The following CSMD2 variants were observed in gnomAD, a reference collection of about 807,000 sequenced individuals.
The protein encoded by CSMD2 is CUB and sushi domain-containing protein 2.
Under a neutral mutation model 398.5 loss-of-function variants are expected in CSMD2, and 130 were observed. The ratio of observed to expected loss-of-function variants is 0.33; its 90% confidence interval spans 0.28 to 0.38. The LOEUF (loss-of-function observed/expected upper bound fraction) is 0.38, where lower values mean the gene tolerates loss of function less well. Ranked by LOEUF, CSMD2 falls within the 10% of genes least tolerant of loss-of-function variation. CSMD2 has a pLI of 1.00. For synonymous variants in CSMD2, 1,828 were observed against 1,908.5 expected (o/e 0.96, Z 1.10); for missense variants, 3,829 against 4,764.9 (o/e 0.80, Z 5.78).
At chr1:33,531,482 G>T (rs1483769445) in intron 64 of CSMD2, among the ~76,000 whole-genome samples, 2 of 152,072 alleles carry the variant, frequency 1.3e-5, no homozygotes, top group Admixed American at 6.5e-5. Context: ...GTCCCCAGGA[G>T]AACTGAAAAC....
chr1:33,699,568 C>A (rs1453576816), intron 23 of CSMD2, among the ~76,000 whole-genome samples: 2 of 152,212 alleles, frequency 1.3e-5, no homozygotes, highest in Non-Finnish European at 1.5e-5. Context: ...TGTCTCTAAT[C>A]CTCTTCCACT....
At chr1:33,771,923 C>T (rs952317484) in intron 13 of CSMD2, among the ~76,000 whole-genome samples, 12 of 152,222 alleles carry the variant, frequency 7.9e-5, no homozygotes, top group East Asian at 1.9e-4. Context: ...AATCCCAACG[C>T]GACTGAAGAT....
intron 10 of CSMD2, among the ~76,000 whole-genome samples, chr1:33,793,535 T>C (rs749238203): frequency 1.6e-4 from 24 of 152,164 alleles, no homozygotes; most frequent in Middle Eastern, 3.4e-3. Flanking sequence ...ATTTGAAAAG[T>C]TTTCCTGGAG....
chr1:34,119,084 T>C (rs187677089), intron 1 of CSMD2, among the ~76,000 whole-genome samples: 20 of 152,232 alleles, frequency 1.3e-4, no homozygotes, highest in Admixed American at 3.9e-4. Flanking sequence ...GAAAGACAAA[T>C]AGACCAGTGA....
Position 33,646,695 on chromosome 1 carries a change from C to A in CSMD2, c.4727G>T (p.Arg1576Leu), listed in dbSNP as rs751093040. ...AGCATTGCTCACAGATGCATCGCTG[C>A]GGAAGGCGAGGAAGAGGCTGTTGCT... The part of the protein sequence containing the change: ...SSSNSLFLAF[R>L]SDASVSNAGF... The change falls in exon 29 of 71, where the codon CGC becomes CTC. Residue 1576 changes from arginine to leucine, a missense_variant. Physicochemically the swap from Arg to Leu is moderately radical, Grantham distance 102 (BLOSUM62 -2). Transcript: ENST00000373381. The A allele has an allele frequency of 1.2e-6, 2 of 1,614,112 alleles. No homozygotes were observed. Among genetic ancestry groups the A allele is most frequent in the Admixed American group, 1.7e-5 (1 of 60,024 alleles).
intron 44 of CSMD2, among the ~76,000 whole-genome samples, chr1:33,590,779 T>G (rs963091427): frequency 6.6e-6 from 1 of 151,880 alleles, no homozygotes; most frequent in African/African-American, 2.4e-5. Context: ...GAGGGTGAGG[T>G]GTTGAGAGAG....
intron 5 of CSMD2, among the ~76,000 whole-genome samples, chr1:33,858,288 T>A (rs1267024016): frequency 6.6e-6 from 1 of 152,220 alleles, no homozygotes; most frequent in Non-Finnish European, 1.5e-5. Flanking sequence ...TAGAAAAGAC[T>A]CACCTGAATC....
At chr1:33,890,686 A>G (rs1045986984) in intron 5 of CSMD2, among the ~76,000 whole-genome samples, 2 of 151,896 alleles carry the variant, frequency 1.3e-5, no homozygotes, top group Non-Finnish European at 2.9e-5. Flanking sequence ...TGGTACTGGT[A>G]CCAAAACAGA....
At position 34,020,386 on chromosome 1, in the gene CSMD2, G is replaced by A. The variant is rs565628047; in HGVS notation, c.517+12208C>T. On this transcript the variant is annotated intron_variant, in intron 3 of 70. Transcript: ENST00000373381. Reference sequence around the variant, plus strand: ...AAGGTCTTGAGGGATAACAGGAAGCGGAGAGCTGGAAGGAAGGATGACAGA... The same window carrying A: ...AAGGTCTTGAGGGATAACAGGAAGCAGAGAGCTGGAAGGAAGGATGACAGA... Among the ~76,000 whole-genome samples the A allele has an allele frequency of 5.3e-5, 8 of 152,328 alleles. No individual in the cohort carries two copies. The South Asian group carries it at 6.2e-4, about 12-fold the overall frequency.
At position 33,821,003 on chromosome 1, in the gene CSMD2, G is replaced by A. The variant is rs1252050063; in HGVS notation, c.1112-447C>T. Among the ~76,000 whole-genome samples the A allele has an allele frequency of 4.6e-5, 7 of 152,184 alleles. No individual in the cohort carries two copies. In the East Asian group the frequency reaches 1.3e-3, roughly 29 times the overall value. On this transcript the variant is annotated intron_variant, in intron 7 of 70. Coordinates refer to ENST00000373381, the MANE Select transcript of CSMD2 (RefSeq NM_001281956.2). Reference sequence around the variant, plus strand: ...TCAAAGAAAGTTAAATAAAAGGTGGGTGCATGATCAGAAACGGTAAAGAAT... The same window carrying A: ...TCAAAGAAAGTTAAATAAAAGGTGGATGCATGATCAGAAACGGTAAAGAAT...
intron 3 of CSMD2, among the ~76,000 whole-genome samples, chr1:33,974,715 T>C (rs536766): frequency 0.46 from 70,366 of 151,966 alleles, 16,449 homozygotes; most frequent in South Asian, 0.53. Flanking sequence ...AGGAGAATAC[T>C]GGCAAGTGTT....
intron 1 of CSMD2, among the ~76,000 whole-genome samples, chr1:34,156,915 C>T (rs1191171033): frequency 6.6e-6 from 1 of 152,270 alleles, no homozygotes; most frequent in African/African-American, 2.4e-5. Flanking sequence ...AGGAGAGAGA[C>T]TCGCCCAGCA....
chr1:33,645,198 CA>C (rs1178659559), intron 29 of CSMD2, among the ~76,000 whole-genome samples: 1 of 151,926 alleles, frequency 6.6e-6, no homozygotes, highest in Non-Finnish European at 1.5e-5. Context: ...GAACATGAGC[CA>C]GAAAATTTTT....
chr1:34,076,928 A>AAATATAT (rs1232288848), intron 2 of CSMD2, among the ~76,000 whole-genome samples: 7 of 53,598 alleles, frequency 1.3e-4, no homozygotes, highest in Non-Finnish European at 1.9e-4. Context: ...AAAAAAAAAA[A>AAATATAT]ATATATATAT....
At chr1:33,751,870 C>CA (rs1344458167) in intron 13 of CSMD2, among the ~76,000 whole-genome samples, 4 of 152,126 alleles carry the variant, frequency 2.6e-5, no homozygotes, top group African/African-American at 4.8e-5. Context: ...CATGATCTGC[C>CA]TGCCTTGGCC....
intron 1 of CSMD2, among the ~76,000 whole-genome samples, chr1:34,156,055 C>T (rs1219336286): frequency 6.6e-6 from 1 of 152,192 alleles, no homozygotes; most frequent in Admixed American, 6.5e-5. Context: ...TAGGAATGCA[C>T]ATATGATAAG....
chr1:33,749,297 C>T (rs530553891), intron 13 of CSMD2, among the ~76,000 whole-genome samples: 4 of 151,818 alleles, frequency 2.6e-5, no homozygotes, highest in East Asian at 1.9e-4. Context: ...GACAGGGTTT[C>T]GCCGTGTTAG....
intron 3 of CSMD2, among the ~76,000 whole-genome samples, chr1:33,947,643 G>A (rs377391868): frequency 2.0e-5 from 3 of 152,134 alleles, no homozygotes; most frequent in South Asian, 2.1e-4. Flanking sequence ...AGGAAGAGGC[G>A]TCTGACCACC....
At chr1:33,734,428 C>T (rs1051317896) in intron 15 of CSMD2, among the ~76,000 whole-genome samples, 11 of 152,116 alleles carry the variant, frequency 7.2e-5, no homozygotes, top group African/African-American at 2.7e-4. Context: ...ACAATCATAG[C>T]TCACTGCAGC....
Sources: allele counts gnomAD v4.1 joint callset (sites outside exome capture counted in the v4.1 genomes callset), GRCh38; gene constraint gnomAD v4.1.1; transcripts MANE v1.5; gene names NCBI Gene and HGNC (gene_info 2026-07-23, HGNC 2026-07-21).